Variants in GALNT13 observed in about 807,000 individuals in gnomAD.
The protein encoded by GALNT13 is UDP-GalNAc:polypeptide N-acetylgalactosaminyltransferase 13.
GALNT13 carries 28 observed loss-of-function variants against 64.2 expected under a neutral mutation model. The ratio of observed to expected loss-of-function variants is 0.44; its 90% CI spans 0.32 to 0.60. The LOEUF (loss-of-function observed/expected upper bound fraction) is 0.60. Ranked by LOEUF, GALNT13 falls within the 20% of genes least tolerant of loss-of-function variation. The pLI, the probability that GALNT13 is intolerant of heterozygous loss-of-function variation, is 0.05. For missense variants in GALNT13, 577 were observed against 669.8 expected (o/e 0.86, Z 1.53); for synonymous variants, 214 against 224.6 (o/e 0.95, Z 0.42).
intron 9 of GALNT13, among the ~76,000 whole-genome samples, chr2:154,351,580 G>A (rs2105256566): frequency 6.7e-6 from 1 of 150,034 alleles, no homozygotes; most frequent in African/African-American, 2.4e-5. Context: ...CTACTCTGGA[G>A]GCTGAGGCAG....
chr2:154,237,518 T>TTATATATATATATATATATATATA (rs10624007), intron 4 of GALNT13, among the ~76,000 whole-genome samples: 1 of 142,800 alleles, frequency 7.0e-6, no homozygotes, highest in Non-Finnish European at 1.5e-5. Context: ...TCTGCCAGCT[T>TTATATATATATATATATATATATA]TATATATATA....
rs192028941 is a variant in GALNT13 at position 154,247,895 on chromosome 2, G to A, written c.857+1913G>A. On this transcript the variant is annotated intron_variant, in intron 7 of 12. Transcript: ENST00000392825. ...AAAAGGTTAATTAATTCATGGGTTCGGTTGTAACAGCCTGCAGGTAATTTT... is the reference window on the plus strand; with the variant it reads ...AAAAGGTTAATTAATTCATGGGTTCAGTTGTAACAGCCTGCAGGTAATTTT... Among the ~76,000 whole-genome samples the A allele has an allele frequency of 4.8e-4, 73 of 152,112 alleles. 3 individuals carry two copies. The East Asian group carries it at 0.011, about 24-fold the overall frequency.
At chr2:153,925,760 A>G (rs1690091341) in intron 2 of GALNT13, among the ~76,000 whole-genome samples, 1 of 151,920 alleles carries the variant, frequency 6.6e-6, no homozygotes, top group Non-Finnish European at 1.5e-5. Flanking sequence ...GTTCCCCTTG[A>G]AGAGGTCCTT....
intron 11 of GALNT13, among the ~76,000 whole-genome samples, chr2:154,421,767 C>T (rs754776717): frequency 9.9e-5 from 15 of 151,778 alleles, no homozygotes; most frequent in Non-Finnish European, 2.2e-4. Flanking sequence ...TTAATTACAT[C>T]ATATATAATT....
chr2:153,515,588 TCTA>T, the GALNT13 span, among the ~76,000 whole-genome samples: 1 of 152,148 alleles, frequency 6.6e-6, no homozygotes, highest in African/African-American at 2.4e-5. Context: ...TCTTAAAACT[TCTA>T]CTGAGAAAGA....
the GALNT13 span, among the ~76,000 whole-genome samples, chr2:153,291,744 G>GAAAAA: frequency 3.7e-5 from 5 of 134,864 alleles, no homozygotes; most frequent in Admixed American, 7.5e-5. Flanking sequence ...TGTTCAAAAG[G>GAAAAA]AAAAAAAAAA....
the GALNT13 span, among the ~76,000 whole-genome samples, chr2:153,440,503 C>G: frequency 6.6e-6 from 1 of 152,150 alleles, no homozygotes; most frequent in African/African-American, 2.4e-5. Flanking sequence ...ATTTCTGGTT[C>G]TAGATCCTTG....
chr2:153,992,033 T>C (rs181334437), intron 3 of GALNT13, among the ~76,000 whole-genome samples: 1 of 152,320 alleles, frequency 6.6e-6, no homozygotes, highest in African/African-American at 2.4e-5. Flanking sequence ...ATTAATCTGA[T>C]AATTGTTACC....
At chr2:153,335,139 A>G in the GALNT13 span, among the ~76,000 whole-genome samples, 1 of 152,322 alleles carries the variant, frequency 6.6e-6, no homozygotes, top group East Asian at 1.9e-4. Flanking sequence ...CCCCAGCCAC[A>G]TGGAACTGTA....
intron 2 of GALNT13, among the ~76,000 whole-genome samples, chr2:153,915,823 A>T (rs1689295685): frequency 1.3e-5 from 2 of 152,200 alleles, no homozygotes; most frequent in Non-Finnish European, 2.9e-5. Context: ...ATGCAATGAC[A>T]AATGAGGCAT....
intron 4 of GALNT13, among the ~76,000 whole-genome samples, chr2:154,238,482 A>G (rs1689312646): frequency 6.6e-6 from 1 of 152,094 alleles, no homozygotes; most frequent in African/African-American, 2.4e-5. Context: ...AATAGTAGAT[A>G]AAATCATATC....
chr2:153,616,171 C>T, the GALNT13 span, among the ~76,000 whole-genome samples: 93 of 151,624 alleles, frequency 6.1e-4, 1 homozygote, highest in Non-Finnish European at 1.1e-3. Flanking sequence ...ATCCAGTTTT[C>T]TCAGCGCCAT....
the GALNT13 span, among the ~76,000 whole-genome samples, chr2:153,836,921 G>A: frequency 1.3e-5 from 2 of 151,994 alleles, no homozygotes; most frequent in Non-Finnish European, 2.9e-5. Context: ...TGGACATTTG[G>A]GTTGGTTCAA....
the GALNT13 span, among the ~76,000 whole-genome samples, chr2:153,410,170 C>G: frequency 6.6e-6 from 1 of 152,236 alleles, no homozygotes; most frequent in Admixed American, 6.5e-5. Flanking sequence ...ACTGTAGTCT[C>G]TACCTCCTGG....
intron 8 of GALNT13, among the ~76,000 whole-genome samples, chr2:154,301,195 T>G (rs1160112355): frequency 1.3e-5 from 2 of 152,328 alleles, no homozygotes; most frequent in East Asian, 3.9e-4. Context: ...TAAATGTGTC[T>G]TACCTCCATA....
intron 9 of GALNT13, among the ~76,000 whole-genome samples, chr2:154,307,679 C>G (rs1038516802): frequency 6.6e-6 from 1 of 151,908 alleles, no homozygotes; most frequent in East Asian, 1.9e-4. Context: ...TATATAGCAT[C>G]AAATACTATA....
the GALNT13 span, among the ~76,000 whole-genome samples, chr2:153,157,092 G>T: frequency 1.3e-5 from 2 of 152,164 alleles, no homozygotes; most frequent in Admixed American, 6.6e-5. Flanking sequence ...GAAATGTCTA[G>T]CAAGGGATTC....
chr2:153,748,446 G>A, the GALNT13 span, among the ~76,000 whole-genome samples: 2 of 151,924 alleles, frequency 1.3e-5, no homozygotes, highest in South Asian at 4.1e-4. Flanking sequence ...ATTTGTTATT[G>A]TCTGTCTTTT....
At chr2:153,555,119 C>A in the GALNT13 span, among the ~76,000 whole-genome samples, 2 of 151,688 alleles carry the variant, frequency 1.3e-5, no homozygotes, top group African/African-American at 4.8e-5. Flanking sequence ...TAGAGAGAAA[C>A]CTTCATTGTC....
Sources: allele counts gnomAD v4.1 joint callset (sites outside exome capture counted in the v4.1 genomes callset), GRCh38; gene constraint gnomAD v4.1.1; transcripts MANE v1.5; gene names NCBI Gene and HGNC (gene_info 2026-07-23, HGNC 2026-07-21).